Variants in ALCAM observed in about 807,000 individuals in gnomAD.
The protein encoded by ALCAM is CD166 antigen.
Under a neutral mutation model 70.9 loss-of-function variants are expected in ALCAM, and 30 were observed. That is an observed-to-expected ratio of 0.42 (90% confidence interval 0.32 to 0.57). The LOEUF (loss-of-function observed/expected upper bound fraction) is 0.57, where lower values mean the gene tolerates loss of function less well. Ranked by LOEUF, ALCAM falls within the 20% of genes least tolerant of loss-of-function variation. The pLI is 0.11. For synonymous variants in ALCAM, 249 were observed against 242.5 expected, an observed-to-expected ratio of 1.03 and a Z score of -0.25; for missense variants, 591 against 695.1, an observed-to-expected ratio of 0.85 and a Z score of 1.68.
intron 14 of ALCAM, among the ~76,000 whole-genome samples, chr3:105,560,247 A>G (rs1940603414): frequency 6.6e-6 from 1 of 152,166 alleles, no homozygotes; most frequent in South Asian, 2.1e-4. Context: ...GGAGGTGTGA[A>G]TTAATAACTA....
Position 105,576,226 on chromosome 3 carries a change from G to A in ALCAM, c.*1775G>A, listed in dbSNP as rs1049615029. ...TCAACATTTAAACCAAAGTAAAAGGGGAAAAACCAAAGTTATTTGTTTTGC... is the reference window on the plus strand; with the variant it reads ...TCAACATTTAAACCAAAGTAAAAGGAGAAAAACCAAAGTTATTTGTTTTGC... On this transcript the variant is annotated 3_prime_UTR_variant, in exon 16 of 16. Transcript: ENST00000306107. 1 of 152,490 alleles carries A rather than the reference G, an allele frequency of 6.6e-6. No individual in the cohort carries two copies. Among genetic ancestry groups the A allele is most frequent in the Non-Finnish European group, 1.5e-5 (1 of 67,984 alleles). The allele number at this position is 152,490 out of a possible 1,614,324, so 9.4% of individuals were successfully genotyped here.
intron 6 of ALCAM, among the ~76,000 whole-genome samples, chr3:105,539,511 T>C (rs1033253000): frequency 6.6e-6 from 1 of 152,100 alleles, no homozygotes; most frequent in African/African-American, 2.4e-5. Context: ...TGGTGTTGTT[T>C]AGCTCATGTC....
At chr3:105,541,933 G>A (rs1429999111) in intron 8 of ALCAM, among the ~76,000 whole-genome samples, 168 bp downstream of exon 8, 2 of 151,902 alleles carry the variant, frequency 1.3e-5, no homozygotes, top group East Asian at 1.9e-4. Context: ...GTCCAGATTT[G>A]TACTGCAATA....
chr3:105,512,651 C>A lies in ALCAM; in HGVS notation c.74-7416C>A, dbSNP rs372479365. On this transcript the variant is annotated intron_variant, in intron 1 of 15. Transcript: ENST00000306107. ...AGTTAAGCTAGTTCCCAAATGAAGT[C>A]AACAGGATCAGAATCTAGACTAAAT... Among the ~76,000 whole-genome samples the A allele has an allele frequency of 2.5e-3, 376 of 151,854 alleles. 3 individuals are homozygous for A. Among genetic ancestry groups the A allele is most frequent in the South Asian group, 0.014 (67 of 4,806 alleles).
At chr3:105,565,081 T>C (rs756657551) in intron 14 of ALCAM, among the ~76,000 whole-genome samples, 3 of 151,030 alleles carry the variant, frequency 2.0e-5, no homozygotes, top group South Asian at 4.2e-4. Flanking sequence ...AGTCCAGGAG[T>C]CCAAGGCTGC....
chr3:105,409,709 A>G (rs1936339456), intron 1 of ALCAM, among the ~76,000 whole-genome samples: 1 of 151,932 alleles, frequency 6.6e-6, no homozygotes, highest in Non-Finnish European at 1.5e-5. Context: ...ATAGAAATTA[A>G]AAAAAAATTA....
chr3:105,505,845 T>G (rs1177226823), intron 1 of ALCAM, among the ~76,000 whole-genome samples: 1 of 152,150 alleles, frequency 6.6e-6, no homozygotes, highest in Non-Finnish European at 1.5e-5. Flanking sequence ...ATATATTTAA[T>G]TTTTTTCATT....
At chr3:105,473,173 A>AT (rs1553726502) in intron 1 of ALCAM, among the ~76,000 whole-genome samples, 2 of 151,410 alleles carry the variant, frequency 1.3e-5, no homozygotes, top group Non-Finnish European at 3.0e-5. Context: ...TAATGTAAAA[A>AT]ATATATATAT....
intron 1 of ALCAM, among the ~76,000 whole-genome samples, chr3:105,389,350 T>C (rs1935740633): frequency 6.7e-6 from 1 of 148,590 alleles, no homozygotes; most frequent in African/African-American, 2.5e-5. Context: ...ATATACCTAC[T>C]TGTATGCTCA....
intron 1 of ALCAM, among the ~76,000 whole-genome samples, chr3:105,446,148 T>A (rs1403914153): frequency 2.0e-5 from 3 of 152,078 alleles, no homozygotes; most frequent in African/African-American, 7.2e-5. Context: ...ATTAATCCAA[T>A]TTAAAAATAT....
chr3:105,413,727 T>C (rs1223477032), intron 1 of ALCAM, among the ~76,000 whole-genome samples: 2 of 152,178 alleles, frequency 1.3e-5, no homozygotes, highest in Non-Finnish European at 2.9e-5. Flanking sequence ...CCACAGCTGC[T>C]GTTATTGCAA....
intron 3 of ALCAM, among the ~76,000 whole-genome samples, chr3:105,529,266 AT>A (rs1939780283): frequency 6.6e-6 from 1 of 152,204 alleles, no homozygotes; most frequent in South Asian, 2.1e-4. Flanking sequence ...GGCTTAAATC[AT>A]TGCCCTTGAC....
chr3:105,432,549 GT>G (rs1936959687), intron 1 of ALCAM, among the ~76,000 whole-genome samples: 1 of 151,858 alleles, frequency 6.6e-6, no homozygotes, highest in Non-Finnish European at 1.5e-5. Flanking sequence ...AAAGGTTTTT[GT>G]TTTTTTAATC....
At chr3:105,376,997 A>C (rs1935394957) in intron 1 of ALCAM, among the ~76,000 whole-genome samples, 1 of 152,166 alleles carries the variant, frequency 6.6e-6, no homozygotes, top group Admixed American at 6.5e-5. Flanking sequence ...TGGGATCTAC[A>C]AAAGGATGTC....
At position 105,449,106 on chromosome 3, in the gene ALCAM, G is replaced by C. The variant is rs184535159; in HGVS notation, c.74-70961G>C. Among the ~76,000 whole-genome samples the C allele has an allele frequency of 9.9e-5, 15 of 152,216 alleles. No individual in the cohort carries two copies. The East Asian group carries it at 2.9e-3, about 29-fold the overall frequency. On this transcript the variant is annotated intron_variant, in intron 1 of 15. Coordinates refer to ENST00000306107, the MANE Select transcript of ALCAM (RefSeq NM_001627.4). ...CAAACATGTTTCTACATGGTAAAAGGCATGTTTGCATATTTACATATGAAT... is the reference window on the plus strand; with the variant it reads ...CAAACATGTTTCTACATGGTAAAAGCCATGTTTGCATATTTACATATGAAT...
chr3:105,406,539 A>C (rs907168974), intron 1 of ALCAM, among the ~76,000 whole-genome samples: 1 of 152,166 alleles, frequency 6.6e-6, no homozygotes, highest in Admixed American at 6.6e-5. Context: ...GGAAACAGCA[A>C]AAGTGGTGCT....
chr3:105,392,711 A>G (rs1385738649), intron 1 of ALCAM, among the ~76,000 whole-genome samples: 3 of 151,896 alleles, frequency 2.0e-5, no homozygotes, highest in African/African-American at 7.2e-5. Context: ...TGATTTGGGC[A>G]TTTAGTGCTA....
chr3:105,406,068 A>C (rs1936221416), intron 1 of ALCAM, among the ~76,000 whole-genome samples: 1 of 152,188 alleles, frequency 6.6e-6, no homozygotes, highest in Admixed American at 6.5e-5. Context: ...GTCTATGTGT[A>C]AGTGTGCATT....
chr3:105,488,805 G>A (rs1490913785), intron 1 of ALCAM, among the ~76,000 whole-genome samples: 2 of 152,088 alleles, frequency 1.3e-5, no homozygotes, highest in Non-Finnish European at 2.9e-5. Context: ...TAGAGTACAG[G>A]ATGTTAATGC....
Sources: gnomAD v4.1 joint callset for allele counts (sites outside exome capture counted in the v4.1 genomes callset) on GRCh38, gnomAD v4.1.1 for gene constraint, MANE v1.5 for transcripts, NCBI Gene and HGNC (gene_info 2026-07-23, HGNC 2026-07-21) for gene names.